PCDH7: variants seen among roughly 807,000 people sequenced by gnomAD.
PCDH7 encodes protocadherin-7.
In PCDH7, 17 loss-of-function variants were observed where a neutral mutation model predicts 58.9. The ratio of observed to expected loss-of-function variants is 0.29; its 90% CI spans 0.20 to 0.43. The LOEUF (loss-of-function observed/expected upper bound fraction) is 0.43. PCDH7 is among the 20% of genes least tolerant of loss of function. The pLI is 1.00. For missense variants in PCDH7, 1,274 were observed against 1,441.0 expected (o/e 0.88, Z 1.88); for synonymous variants, 664 against 616.4 (o/e 1.08, Z -1.14).
chr4:30,858,068 T>G (rs1483762293), intron 1 of PCDH7, among the ~76,000 whole-genome samples: 2 of 152,186 alleles, frequency 1.3e-5, no homozygotes, highest in South Asian at 4.1e-4. Context: ...AGTATATCTC[T>G]GTGCAAAAAT....
intron 3 of PCDH7, among the ~76,000 whole-genome samples, chr4:31,138,250 CTA>C (rs1203072060): frequency 5.9e-5 from 9 of 152,156 alleles, no homozygotes; most frequent in African/African-American, 2.2e-4. Flanking sequence ...AACAAAAATA[CTA>C]TGTTTTTGAG....
intron 1 of PCDH7, among the ~76,000 whole-genome samples, chr4:30,754,184 G>GTTTT (rs1176459021): frequency 3.6e-5 from 5 of 140,256 alleles, no homozygotes; most frequent in African/African-American, 1.5e-4. Flanking sequence ...GTGTGTGTGT[G>GTTTT]TGTGTTTTTT....
intron 1 of PCDH7, among the ~76,000 whole-genome samples, chr4:30,772,963 A>C (rs2109280333): frequency 6.6e-6 from 1 of 152,262 alleles, no homozygotes; most frequent in Admixed American, 6.5e-5. Flanking sequence ...GTGCAGTAGC[A>C]CAATCTCGGC....
At chr4:30,880,695 C>A (rs528283689) in intron 1 of PCDH7, among the ~76,000 whole-genome samples, 1 of 152,206 alleles carries the variant, frequency 6.6e-6, no homozygotes, top group Non-Finnish European at 1.5e-5. Flanking sequence ...TCAAAAAGGC[C>A]AACCTCTCCT....
intron 1 of PCDH7, among the ~76,000 whole-genome samples, chr4:30,898,843 G>T (rs568687288): frequency 6.6e-6 from 1 of 152,040 alleles, no homozygotes; most frequent in Non-Finnish European, 1.5e-5. Flanking sequence ...CGCCCGCCTC[G>T]GCCTCCCAAA....
intron 1 of PCDH7, among the ~76,000 whole-genome samples, chr4:30,805,166 T>C (rs1726022841): frequency 6.6e-6 from 1 of 152,206 alleles, no homozygotes; most frequent in Admixed American, 6.5e-5. Flanking sequence ...AATAGATGTC[T>C]ATGTCTTATA....
chr4:30,799,451 C>T (rs1408790599), intron 1 of PCDH7, among the ~76,000 whole-genome samples: 2 of 152,078 alleles, frequency 1.3e-5, no homozygotes, highest in South Asian at 2.1e-4. Flanking sequence ...GTAGTTAACC[C>T]ATGGTTCTCT....
rs552056565 is a variant in PCDH7, at chr4:30,816,547, G to GT, written c.70+91962dup. Among the ~76,000 whole-genome samples, 367 of 147,208 alleles carry GT rather than the reference G, an allele frequency of 2.5e-3. 1 individual carries two copies. In the South Asian group the frequency reaches 0.026, roughly 10 times the overall value. On this transcript the variant is annotated intron_variant, in intron 1 of 3. Coordinates refer to the PCDH7 transcript ENST00000509759. The stretch of plus-strand genomic sequence containing the variant: ...AAAATAAGGTGATATTTTGGAATGA[G>GT]TTTTTTTTTTTAACTTCTCTTAAAT...
intron 1 of PCDH7, among the ~76,000 whole-genome samples, chr4:30,879,561 T>C (rs1047173532): frequency 6.6e-6 from 1 of 152,154 alleles, no homozygotes; most frequent in African/African-American, 2.4e-5. Context: ...TGAACCTAAT[T>C]GTCATATCAT....
intron 3 of PCDH7, among the ~76,000 whole-genome samples, chr4:31,013,046 G>A (rs1753312192): frequency 6.7e-6 from 1 of 150,046 alleles, no homozygotes; most frequent in South Asian, 2.2e-4. Context: ...AATTAGCCAG[G>A]CATAGTGGCA....
chr4:30,861,770 A>T (rs1734227412), intron 1 of PCDH7, among the ~76,000 whole-genome samples: 1 of 152,120 alleles, frequency 6.6e-6, no homozygotes, highest in Non-Finnish European at 1.5e-5. Context: ...CATTCAATGA[A>T]TTATTTGTAG....
intron 1 of PCDH7, among the ~76,000 whole-genome samples, chr4:30,806,479 T>A (rs1726226626): frequency 6.6e-6 from 1 of 151,836 alleles, no homozygotes; most frequent in Admixed American, 6.6e-5. Flanking sequence ...AATTTTGTAC[T>A]TTTTTTAGTA....
intron 1 of PCDH7, among the ~76,000 whole-genome samples, chr4:30,785,100 T>C (rs1205316991): frequency 6.6e-6 from 1 of 152,010 alleles, no homozygotes; most frequent in African/African-American, 2.4e-5. Context: ...TAGCCTTGTA[T>C]AGAATGTGAT....
chr4:30,871,048 G>A (rs1004166492), intron 1 of PCDH7, among the ~76,000 whole-genome samples: 1 of 151,962 alleles, frequency 6.6e-6, no homozygotes, highest in African/African-American at 2.4e-5. Context: ...TTTGGATTAA[G>A]GTGCTTGTGA....
intron 3 of PCDH7, among the ~76,000 whole-genome samples, chr4:31,043,737 A>AT (rs1020061945): frequency 2.6e-5 from 4 of 151,966 alleles, no homozygotes; most frequent in African/African-American, 9.7e-5. Context: ...CATTGTGTAG[A>AT]TTGTTTGTTC....
intron 1 of PCDH7, among the ~76,000 whole-genome samples, chr4:30,784,937 T>A (rs2109292961): frequency 6.6e-6 from 1 of 152,208 alleles, no homozygotes; most frequent in African/African-American, 2.4e-5. Flanking sequence ...ACATATGTGA[T>A]ACTATGATAT....
chr4:31,016,543 G>A (rs1234439369), intron 3 of PCDH7, among the ~76,000 whole-genome samples: 2 of 151,954 alleles, frequency 1.3e-5, no homozygotes, highest in African/African-American at 4.8e-5. Flanking sequence ...CAGTGGGATT[G>A]GTGCTCTTGG....
In PCDH7 at chr4:30,896,889, CTTTTTTTTTTTTT is replaced by C. The variant is rs71190474; in HGVS notation, c.71-23243_71-23231del. Among the ~76,000 whole-genome samples the C allele has an allele frequency of 2.0e-3, 55 of 27,344 alleles. 1 individual carries two copies. The highest frequency in any genetic ancestry group is 5.6e-3 in the East Asian group (4 of 720). The allele number at this position is 27,344 out of a possible 152,430, so 17.9% of individuals were successfully genotyped here. A position where few individuals can be genotyped will look rare whatever the true frequency, so the allele number is the denominator to read the frequency against. On this transcript the variant is annotated intron_variant, in intron 1 of 3. Coordinates refer to the PCDH7 transcript ENST00000509759. ...GTCTTGTGCCCCTCCTAGTTCTTTG[CTTTTTTTTTTTTT>C]TTTTTTTTTTTTTTTTTTTTGAGGT...
chr4:31,083,668 A>C (rs1019299892), intron 3 of PCDH7, among the ~76,000 whole-genome samples: 1 of 152,220 alleles, frequency 6.6e-6, no homozygotes, highest in African/African-American at 2.4e-5. Context: ...GAGAGACTGC[A>C]GTGTCTCTAA....
Sources: gnomAD v4.1 joint callset for allele counts (sites outside exome capture counted in the v4.1 genomes callset) on GRCh38, gnomAD v4.1.1 for gene constraint, MANE v1.5 for transcripts, NCBI Gene and HGNC (gene_info 2026-07-23, HGNC 2026-07-21) for gene names.